The following FRMPD3 variants were observed in gnomAD, a reference collection of about 807,000 sequenced individuals.
FRMPD3 encodes FERM and PDZ domain-containing protein 3.
FRMPD3 carries 42 observed loss-of-function variants against 97.9 expected under a neutral mutation model. That is an observed-to-expected ratio of 0.43 (90% CI 0.34 to 0.55). FRMPD3 has a LOEUF of 0.55. Ranked by LOEUF, FRMPD3 falls within the 20% of genes least tolerant of loss-of-function variation. FRMPD3 has a pLI of 0.03. For missense variants in FRMPD3, 1,303 were observed against 1,457.7 expected, an observed-to-expected ratio of 0.89 and a Z score of 1.73; for synonymous variants, 577 against 581.1, an observed-to-expected ratio of 0.99 and a Z score of 0.10.
intron 1 of FRMPD3, among the ~76,000 whole-genome samples, chrX:107,512,019 CT>C (rs201149743): frequency 1.1e-4 from 12 of 106,699 alleles, no homozygotes; most frequent in South Asian, 8.3e-4. Context: ...TTCCTACTTT[CT>C]TTTTTTTTTG....
At chrX:107,459,907 AC>A in intron 1 of FRMPD3, among the ~76,000 whole-genome samples, 3 of 111,592 alleles carry the variant, frequency 2.7e-5, no homozygotes, top group African/African-American at 9.8e-5. Context: ...ACACACACAC[AC>A]ACACACACAC....
At position 107,601,962 on chromosome X, in the gene FRMPD3, G is replaced by T; in HGVS notation, c.3923G>T (p.Gly1308Val). ...SCDCKRICRG[G>V]RPQATQTPVP... ...GACTGCAAGCGCATCTGCCGGGGGG[G>T]CCGGCCACAAGCCACCCAGACACCA... The change falls in exon 15 of 15, where the codon GGC becomes GTC. Residue 1308 changes from glycine (G) to valine (V), a missense_variant. Around this residue, in one of 3 missense-constraint regions of FRMPD3, gnomAD observed 764 missense variants for 820.2 expected, o/e 0.93. Transcript: ENST00000683843. 3.4e-6 allele frequency: 4 copies of T among 1,172,474 alleles called. No individual in the cohort carries two copies. The Admixed American group carries it at 7.4e-5, about 22-fold the overall frequency.
At chrX:107,522,535 T>A (rs1389439730) in intron 1 of FRMPD3, 18 of 501,386 alleles carry the variant, frequency 3.6e-5, no homozygotes, top group Non-Finnish European at 5.3e-5. Flanking sequence ...AGCATAGAGA[T>A]GTGGCCCCAG....
chrX:107,454,363 C>A (rs1367702851), intron 1 of FRMPD3, among the ~76,000 whole-genome samples: 5 of 111,655 alleles, frequency 4.5e-5, no homozygotes, highest in African/African-American at 1.6e-4. Context: ...TCCTGAGGTT[C>A]AGTCCTATAT....
At chrX:107,522,631 C>T in intron 1 of FRMPD3, 1 of 415,606 alleles carries the variant, frequency 2.4e-6, no homozygotes, top group Non-Finnish European at 4.2e-6. Context: ...GAACAGTCAC[C>T]TAGCGTATTT....
Position 107,543,740 on chromosome X carries a change from G to A in FRMPD3, c.298-1997G>A, listed in dbSNP as rs751141239. ...CTGAGGCAGGGGAATCACTTGAACC[G>A]CGGAGACAGAGGTTGCAGTGAGCCG... On this transcript the variant is annotated intron_variant, in intron 4 of 14. Coordinates refer to ENST00000683843, the MANE Select transcript of FRMPD3 (RefSeq NM_001388459.1). 5.5e-4 allele frequency among the ~76,000 whole-genome samples: 59 copies of A among 107,772 alleles called. 1 individual carries two copies. The highest frequency in any genetic ancestry group is 1.8e-3 in the African/African-American group (52 of 29,454). 93.6% of individuals were successfully genotyped at this position (107,772 alleles called of 115,157 possible).
At chrX:107,536,180 C>T (rs1203635800) in intron 4 of FRMPD3, among the ~76,000 whole-genome samples, 1 of 110,393 alleles carries the variant, frequency 9.1e-6, no homozygotes, top group African/African-American at 3.3e-5. Flanking sequence ...AGAATGAGAC[C>T]TCGTCTCTAA....
chrX:107,529,461 T>C (rs781594948), intron 2 of FRMPD3, among the ~76,000 whole-genome samples: 2 of 111,106 alleles, frequency 1.8e-5, no homozygotes, highest in South Asian at 7.8e-4. Context: ...GGAGTGTACC[T>C]GTCATCCCAG....
chrX:107,514,482 G>A (rs1310694918), intron 1 of FRMPD3, among the ~76,000 whole-genome samples: 2 of 109,379 alleles, frequency 1.8e-5, no homozygotes, highest in East Asian at 2.9e-4. Context: ...GAGAGGGAGC[G>A]AGCTTGTCGG....
At chrX:107,538,784 C>T (rs1238141741) in intron 4 of FRMPD3, among the ~76,000 whole-genome samples, 3 of 111,821 alleles carry the variant, frequency 2.7e-5, no homozygotes, top group Admixed American at 9.5e-5. Context: ...CCTCAGCCCC[C>T]GAGGAGCTGG....
At chrX:107,494,873 C>G (rs1921738311) in intron 1 of FRMPD3, among the ~76,000 whole-genome samples, 1 of 111,594 alleles carries the variant, frequency 9.0e-6, no homozygotes, top group Non-Finnish European at 1.9e-5. Flanking sequence ...GAGAGCACTG[C>G]AGAGGCCCTG....
At chrX:107,596,607 G>A (rs1356244969) in intron 13 of FRMPD3, among the ~76,000 whole-genome samples, 1 of 112,115 alleles carries the variant, frequency 8.9e-6, no homozygotes, top group Non-Finnish European at 1.9e-5. Flanking sequence ...GGCTGGCCCT[G>A]CATGAATGCA....
At chrX:107,584,395 C>T (rs1334279480) in intron 13 of FRMPD3, among the ~76,000 whole-genome samples, 2 of 111,176 alleles carry the variant, frequency 1.8e-5, no homozygotes, top group African/African-American at 6.5e-5. Context: ...CTGTAGGTTG[C>T]CTGTTCACTC....
At chrX:107,551,410 C>G (rs1921857497) in intron 6 of FRMPD3, among the ~76,000 whole-genome samples, 1 of 112,016 alleles carries the variant, frequency 8.9e-6, no homozygotes, top group South Asian at 3.8e-4. Flanking sequence ...CAGAATCCTC[C>G]TTGGTGGTTT....
chrX:107,599,871 C>A (rs1376626003), intron 14 of FRMPD3, among the ~76,000 whole-genome samples: 1 of 111,014 alleles, frequency 9.0e-6, no homozygotes, highest in African/African-American at 3.3e-5. Context: ...GCTGGAAATA[C>A]TGCTGGCTAA....
intron 13 of FRMPD3, among the ~76,000 whole-genome samples, chrX:107,591,106 A>G (rs1164478939): frequency 9.3e-6 from 1 of 107,787 alleles, no homozygotes; most frequent in Non-Finnish European, 1.9e-5. Flanking sequence ...CAGATTTTCT[A>G]TCTTCTTGAA....
At position 107,462,229 on chromosome X, in the gene FRMPD3, T is replaced by C. The variant is rs373235299; in HGVS notation, c.-8+12224T>C. Among the ~76,000 whole-genome samples, 8 of 112,210 alleles carry C rather than the reference T, an allele frequency of 7.1e-5. No individual in the cohort carries two copies. In the East Asian group the frequency reaches 2.2e-3, roughly 31 times the overall value. ...TCCTTTTTGGAATCTGAACAGTCTTTCCACCACAATTCAACACTTGATCCC... is the reference window on the plus strand; with the variant it reads ...TCCTTTTTGGAATCTGAACAGTCTTCCCACCACAATTCAACACTTGATCCC... On this transcript the variant is annotated intron_variant, in intron 1 of 14. Transcript: ENST00000683843.
chrX:107,461,757 T>TTATACATATACATATACATATACA lies in FRMPD3; in HGVS notation c.-8+11788_-8+11811dup, dbSNP rs761470965. Among the ~76,000 whole-genome samples, 776 of 91,999 alleles carry TTATACATATACATATACATATACA rather than the reference T, an allele frequency of 8.4e-3. 10 individuals carry two copies. The highest frequency in any genetic ancestry group is 0.011 in the Non-Finnish European group (501 of 46,734). 79.9% of individuals were successfully genotyped at this position (91,999 alleles called of 115,157 possible). ...TGCCTTCCACAACAGCTGGAATTCA[T>TTATACATATACATATACATATACA]TATACATATACATATACATATACAT... is the stretch of plus-strand genomic sequence containing the variant. On this transcript the variant is annotated intron_variant, in intron 1 of 14. Transcript: ENST00000683843.
rs753016000 is a variant in FRMPD3 at position 107,514,529 on chromosome X, C to CTTT, written c.-7-12039_-7-12037dup. Among the ~76,000 whole-genome samples the CTTT allele has an allele frequency of 6.6e-4, 63 of 95,476 alleles. 1 individual carries two copies. Among genetic ancestry groups the CTTT allele is most frequent in the African/African-American group, 2.2e-3 (57 of 26,138 alleles). 82.9% of individuals were successfully genotyped at this position (95,476 alleles called of 115,157 possible). A position where few individuals can be genotyped will look rare whatever the true frequency, so the allele number is the denominator to read the frequency against. ...GCTTTCTTTTTTCCTTTTCCTTTTC[C>CTTT]TTTTTTTTTTTTTTTTGACAGAATC... is the stretch of plus-strand genomic sequence containing the variant. On this transcript the variant is annotated intron_variant, in intron 1 of 14. Transcript: ENST00000683843.
Sources: allele counts gnomAD v4.1 joint callset (sites outside exome capture counted in the v4.1 genomes callset), GRCh38; gene constraint gnomAD v4.1.1; regional missense constraint gnomAD v4.1.1; transcripts MANE v1.5; gene names NCBI Gene and HGNC (gene_info 2026-07-23, HGNC 2026-07-21).